CNTNAP2: variants seen among roughly 807,000 people sequenced by gnomAD.
The protein encoded by CNTNAP2 is contactin-associated protein-like 2.
Under a neutral mutation model 155.2 loss-of-function variants are expected in CNTNAP2, and 98 were observed. The observed-to-expected ratio is 0.63, with a 90% CI of 0.54 to 0.75. CNTNAP2 has a LOEUF of 0.75. Among genes scored for constraint, CNTNAP2 ranks in the 30% least tolerant of loss-of-function variants. The pLI is 0.00. For missense variants in CNTNAP2, 1,727 were observed against 1,688.1 expected (o/e 1.02, Z -0.40); for synonymous variants, 651 against 631.2 (o/e 1.03, Z -0.47).
intron 11 of CNTNAP2, among the ~76,000 whole-genome samples, chr7:147,532,070 G>A (rs1799445086): frequency 3.9e-5 from 6 of 152,116 alleles, no homozygotes; most frequent in Non-Finnish European, 5.9e-5. Flanking sequence ...GCCTCCCAAA[G>A]TGCTGGGATT....
At chr7:147,857,464 C>G (rs1045909393) in intron 13 of CNTNAP2, among the ~76,000 whole-genome samples, 7 of 152,148 alleles carry the variant, frequency 4.6e-5, no homozygotes, top group Admixed American at 3.9e-4. Flanking sequence ...TCTTATAAAG[C>G]TAGTATGAAT....
intron 13 of CNTNAP2, among the ~76,000 whole-genome samples, chr7:147,786,256 A>G (rs1419079190): frequency 1.3e-5 from 2 of 152,160 alleles, no homozygotes; most frequent in Non-Finnish European, 2.9e-5. Context: ...TGGGCGACAC[A>G]GTGAGAAAAT....
chr7:147,748,562 C>G (rs1797083605), intron 13 of CNTNAP2, among the ~76,000 whole-genome samples: 1 of 152,254 alleles, frequency 6.6e-6, no homozygotes, highest in Middle Eastern at 3.4e-3. Context: ...ACGAGTATAT[C>G]CAAGGATTCA....
chr7:147,407,329 G>A (rs1015546584), intron 10 of CNTNAP2, among the ~76,000 whole-genome samples: 17 of 151,720 alleles, frequency 1.1e-4, no homozygotes, highest in South Asian at 2.1e-4. Flanking sequence ...TTAGCCGGGC[G>A]TGGTGGCGGG....
intron 13 of CNTNAP2, among the ~76,000 whole-genome samples, chr7:147,719,209 C>T (rs1344932568): frequency 6.6e-6 from 1 of 152,030 alleles, no homozygotes; most frequent in African/African-American, 2.4e-5. Context: ...AGCTGGGTAC[C>T]TAAGCACTGC....
intron 1 of CNTNAP2, among the ~76,000 whole-genome samples, chr7:146,491,780 A>T (rs1584949510): frequency 6.6e-6 from 1 of 152,186 alleles, no homozygotes; most frequent in Non-Finnish European, 1.5e-5. Context: ...TTTGATTTTG[A>T]ATTAGAAATT....
At chr7:147,238,251 G>A (rs1485510131) in intron 8 of CNTNAP2, among the ~76,000 whole-genome samples, 1 of 152,046 alleles carries the variant, frequency 6.6e-6, no homozygotes, top group African/African-American at 2.4e-5. Context: ...TCCTGACCTC[G>A]TGATCCGCCC....
intron 10 of CNTNAP2, among the ~76,000 whole-genome samples, chr7:147,452,353 G>A (rs991115859): frequency 6.6e-6 from 1 of 152,046 alleles, no homozygotes; most frequent in African/African-American, 2.4e-5. Flanking sequence ...GTATAATCAG[G>A]TTCACAGTTT....
chr7:148,030,321 G>C (rs562272070), intron 15 of CNTNAP2, among the ~76,000 whole-genome samples: 1 of 152,228 alleles, frequency 6.6e-6, no homozygotes, highest in South Asian at 2.1e-4. Context: ...TGTTGCATGG[G>C]GAAAGAAAGT....
At position 147,365,429 on chromosome 7, in the gene CNTNAP2, G is replaced by T. The variant is rs146821325; in HGVS notation, c.1499-30180G>T. The stretch of plus-strand genomic sequence containing the variant: ...AAAAACAAAGAAACTTATATGAATA[G>T]AAATATAAAGTCGTTCCTATTGTTT... On this transcript the variant is annotated intron_variant, in intron 9 of 23. Transcript: ENST00000361727. 4.0e-3 allele frequency among the ~76,000 whole-genome samples: 498 copies of T among 125,260 alleles called. 5 individuals are homozygous for T. Among genetic ancestry groups the T allele is most frequent in the African/African-American group, 0.014 (466 of 33,328 alleles). The allele number at this position is 125,260 out of a possible 152,430, so 82.2% of individuals were successfully genotyped here.
chr7:146,724,276 G>T (rs562358123), intron 1 of CNTNAP2, among the ~76,000 whole-genome samples: 1 of 152,160 alleles, frequency 6.6e-6, no homozygotes, highest in Non-Finnish European at 1.5e-5. Flanking sequence ...GTAAGTGTTA[G>T]AACAGTTACT....
At chr7:147,512,279 T>C (rs1434344544) in intron 11 of CNTNAP2, among the ~76,000 whole-genome samples, 5 of 152,178 alleles carry the variant, frequency 3.3e-5, no homozygotes, top group African/African-American at 1.2e-4. Context: ...TTTGAGACAG[T>C]TTTTTGGAAC....
At chr7:148,361,442 C>T (rs1314074267) in intron 21 of CNTNAP2, among the ~76,000 whole-genome samples, 1 of 152,140 alleles carries the variant, frequency 6.6e-6, no homozygotes, top group Admixed American at 6.5e-5. Context: ...GAGCCCAGAG[C>T]TCTGAAATCA....
intron 14 of CNTNAP2, among the ~76,000 whole-genome samples, chr7:147,949,626 T>G (rs1333055137): frequency 6.6e-6 from 1 of 152,072 alleles, no homozygotes; most frequent in African/African-American, 2.4e-5. Flanking sequence ...AACCTGGTTA[T>G]TTAGCAAGAA....
chr7:146,596,969 A>C (rs1009416439), intron 1 of CNTNAP2, among the ~76,000 whole-genome samples: 4 of 152,088 alleles, frequency 2.6e-5, no homozygotes, highest in African/African-American at 4.8e-5. Context: ...GTAGGGTGTC[A>C]GTAACCGTAA....
chr7:146,308,257 G>A (rs1563031334), intron 1 of CNTNAP2, among the ~76,000 whole-genome samples: 1 of 151,730 alleles, frequency 6.6e-6, no homozygotes, highest in African/African-American at 2.4e-5. Flanking sequence ...TCAGAGAAAT[G>A]CAAATCAAAA....
intron 1 of CNTNAP2, among the ~76,000 whole-genome samples, chr7:146,699,493 C>T (rs1270849265): frequency 6.6e-6 from 1 of 152,060 alleles, no homozygotes; most frequent in Non-Finnish European, 1.5e-5. Context: ...TGAGCCTGGG[C>T]CCCTGGGTTG....
chr7:147,723,188 T>C (rs1323363700), intron 13 of CNTNAP2, among the ~76,000 whole-genome samples: 5 of 152,044 alleles, frequency 3.3e-5, no homozygotes, highest in Admixed American at 6.6e-5. Context: ...AATTCTTGCA[T>C]TTTTATTTAA....
intron 1 of CNTNAP2, among the ~76,000 whole-genome samples, chr7:146,650,970 T>C (rs549198007): frequency 1.3e-5 from 2 of 151,796 alleles, no homozygotes; most frequent in Admixed American, 6.6e-5. Context: ...CAGTGAGATA[T>C]GATCACGCTG....
Sources: gnomAD v4.1 joint callset for allele counts (sites outside exome capture counted in the v4.1 genomes callset) on GRCh38, gnomAD v4.1.1 for gene constraint, MANE v1.5 for transcripts, NCBI Gene and HGNC (gene_info 2026-07-23, HGNC 2026-07-21) for gene names.